Variants in SLIT2 observed in about 807,000 individuals in gnomAD.
SLIT2 encodes the protein slit homolog 2 protein.
Under a neutral mutation model 185.7 loss-of-function variants are expected in SLIT2, and 41 were observed. The ratio of observed to expected loss-of-function variants is 0.22; its 90% CI spans 0.17 to 0.29. SLIT2 has a LOEUF of 0.29. Among genes scored for constraint, SLIT2 ranks in the 10% least tolerant of loss-of-function variants. The pLI is 1.00. For missense variants in SLIT2, 1,571 were observed against 1,909.0 expected, an observed-to-expected ratio of 0.82 and a Z score of 3.30; for synonymous variants, 693 against 680.2, an observed-to-expected ratio of 1.02 and a Z score of -0.29.
intron 4 of SLIT2, among the ~76,000 whole-genome samples, chr4:20,427,400 A>G (rs1421149215): frequency 2.0e-5 from 3 of 152,210 alleles, no homozygotes; most frequent in Non-Finnish European, 2.9e-5. Flanking sequence ...AGGAAAAATT[A>G]TATTCTTACA....
chr4:20,364,956 A>C (rs1336308676), intron 4 of SLIT2, among the ~76,000 whole-genome samples: 1 of 152,116 alleles, frequency 6.6e-6, no homozygotes, highest in Non-Finnish European at 1.5e-5. Flanking sequence ...GAAACATTTC[A>C]GATGCACCGT....
chr4:20,564,660 C>G (rs1724946168), intron 26 of SLIT2, among the ~76,000 whole-genome samples: 1 of 151,888 alleles, frequency 6.6e-6, no homozygotes, highest in African/African-American at 2.4e-5. Context: ...ATGAGCTTTA[C>G]CAACCTGAAG....
intron 33 of SLIT2, among the ~76,000 whole-genome samples, chr4:20,600,585 G>C (rs1379207598): frequency 6.6e-6 from 1 of 151,736 alleles, no homozygotes; most frequent in Non-Finnish European, 1.5e-5. Context: ...ACTATGCCTG[G>C]CTAATCTTTT....
chr4:20,574,756 C>T (rs1030470087), intron 29 of SLIT2, among the ~76,000 whole-genome samples: 10 of 136,642 alleles, frequency 7.3e-5, no homozygotes, highest in Admixed American at 1.7e-4. Context: ...CAGTGCACTG[C>T]AGCCTGGGCA....
chr4:20,344,790 T>A (rs949780446), intron 4 of SLIT2, among the ~76,000 whole-genome samples: 11 of 152,222 alleles, frequency 7.2e-5, no homozygotes, highest in African/African-American at 2.7e-4. Flanking sequence ...TAAGAGATAC[T>A]ACTGATAACC....
chr4:20,334,565 A>C (rs1379663193), intron 4 of SLIT2, among the ~76,000 whole-genome samples: 1 of 152,174 alleles, frequency 6.6e-6, no homozygotes, highest in Non-Finnish European at 1.5e-5. Flanking sequence ...GACAAATTAC[A>C]TAATCCTACA....
intron 4 of SLIT2, among the ~76,000 whole-genome samples, chr4:20,362,425 A>G (rs1027464377): frequency 3.3e-5 from 5 of 152,010 alleles, no homozygotes; most frequent in African/African-American, 1.2e-4. Context: ...ACTGTGGGGG[A>G]AAGCAAAGGG....
At chr4:20,312,354 A>T (rs1718183861) in intron 4 of SLIT2, among the ~76,000 whole-genome samples, 1 of 152,256 alleles carries the variant, frequency 6.6e-6, no homozygotes, top group Admixed American at 6.5e-5. Context: ...CTTTAGTGAA[A>T]TACTGAGAAC....
chr4:20,257,931 A>G lies in SLIT2; in HGVS notation c.315A>G (p.Leu105=), dbSNP rs371958631. ...GAGCATTCCAGGATCTTAAAGAACT[A>G]GAGAGACTGTAAGTATTTTCAATTC... ...ERGAFQDLKE[L]ERLRLNRNHL... is the part of the protein sequence containing the mutation. Residue 105 remains leucine (L), a synonymous_variant, in exon 3 of 37, where the codon CTA becomes CTG. Transcript: ENST00000504154. 2.7e-6 allele frequency: 4 copies of G among 1,481,638 alleles called. No homozygotes were observed. Among genetic ancestry groups the G allele is most frequent in the Non-Finnish European group, 3.8e-6 (4 of 1,065,538 alleles). 91.8% of individuals were successfully genotyped at this position (1,481,638 alleles called of 1,614,324 possible).
At chr4:20,514,609 C>T (rs1472964869) in intron 11 of SLIT2, among the ~76,000 whole-genome samples, 1 of 152,082 alleles carries the variant, frequency 6.6e-6, no homozygotes, top group Non-Finnish European at 1.5e-5. Flanking sequence ...TGCACCACTG[C>T]ACTCCAGCCT....
intron 34 of SLIT2, among the ~76,000 whole-genome samples, chr4:20,610,701 CTGAATGAA>C (rs761840334): frequency 6.6e-6 from 1 of 151,992 alleles, no homozygotes. Flanking sequence ...CAATGACTGA[CTGAATGAA>C]TGAATGAATG....
intron 29 of SLIT2, among the ~76,000 whole-genome samples, chr4:20,569,505 C>G (rs989091902): frequency 5.3e-5 from 8 of 152,008 alleles, no homozygotes; most frequent in Admixed American, 2.0e-4. Context: ...ATAAGACTAT[C>G]ACCTTTTTTC....
At chr4:20,465,604 C>CT (rs1469517046) in intron 4 of SLIT2, among the ~76,000 whole-genome samples, 1 of 152,142 alleles carries the variant, frequency 6.6e-6, no homozygotes, top group Non-Finnish European at 1.5e-5. Context: ...GCAAGACACT[C>CT]TAACACTTTT....
intron 4 of SLIT2, among the ~76,000 whole-genome samples, chr4:20,342,829 C>T (rs1721075269): frequency 7.2e-6 from 1 of 139,600 alleles, no homozygotes. Context: ...GATAGTGGTA[C>T]ATGATTAGAA....
chr4:20,417,291 CT>C (rs1727756722), intron 4 of SLIT2, among the ~76,000 whole-genome samples: 1 of 151,690 alleles, frequency 6.6e-6, no homozygotes, highest in South Asian at 2.1e-4. Context: ...GGAGATAGGG[CT>C]CCAGCTTTCT....
At chr4:20,512,370 A>G (rs538874588) in intron 11 of SLIT2, among the ~76,000 whole-genome samples, 5 of 152,284 alleles carry the variant, frequency 3.3e-5, no homozygotes, top group Admixed American at 1.3e-4. Flanking sequence ...CTGTTTAAAA[A>G]CAAAAACAAA....
chr4:20,346,443 C>A (rs1458382593), intron 4 of SLIT2, among the ~76,000 whole-genome samples: 1 of 152,042 alleles, frequency 6.6e-6, no homozygotes, highest in Non-Finnish European at 1.5e-5. Flanking sequence ...TGGTTATGAA[C>A]CACTGTTAAA....
chr4:20,567,131 G>T, intron 26 of SLIT2, 131 bp from the exon 27 acceptor site: 2 of 824,660 alleles, frequency 2.4e-6, no homozygotes, highest in South Asian at 1.7e-5. Context: ...GCTTGTCATG[G>T]ATGAGAGACA....
chr4:20,543,886 T>C (rs559118961), intron 21 of SLIT2, among the ~76,000 whole-genome samples: 45 of 152,280 alleles, frequency 3.0e-4, no homozygotes, highest in South Asian at 2.3e-3. Context: ...TAATTAAATA[T>C]TTAATTCTTA....
Sources: allele counts gnomAD v4.1 joint callset (sites outside exome capture counted in the v4.1 genomes callset), GRCh38; gene constraint gnomAD v4.1.1; transcripts MANE v1.5; gene names NCBI Gene and HGNC (gene_info 2026-07-23, HGNC 2026-07-21).